The following DNAH11 variants were observed in gnomAD, a reference collection of about 807,000 sequenced individuals.
DNAH11 encodes the protein dynein axonemal heavy chain 11.
In DNAH11, 442 loss-of-function variants were observed where a neutral mutation model predicts 526.0. That is an observed-to-expected ratio of 0.84 (90% CI 0.78 to 0.91). The LOEUF (loss-of-function observed/expected upper bound fraction) is 0.91, where lower values mean the gene tolerates loss of function less well. DNAH11 is among the 40% of genes least tolerant of loss of function. DNAH11 has a pLI of 0.00. For synonymous variants in DNAH11, 2,461 were observed against 1,935.9 expected (o/e 1.27, Z -7.12); for missense variants, 6,989 against 5,448.7 (o/e 1.28, Z -8.90).
At position 21,789,255 on chromosome 7, in the gene DNAH11, G is replaced by A. The variant is rs200349268; in HGVS notation, c.9939G>A (p.Val3313=). 215 of 1,571,454 alleles carry A rather than the reference G, an allele frequency of 1.4e-4. 3 individuals are homozygous for A. In the African/African-American group the frequency reaches 1.9e-3, roughly 14 times the overall value. ...TGAATTTTCAGGTCTACTGTGATGT[G>A]GAGCCAAAACGCCAAGCATTAGCCC... ...IIKFYEVYCD[V]EPKRQALAQA... is the part of the protein sequence containing the mutation. The change falls in exon 61 of 82, where the codon GTG becomes GTA. Residue 3313 remains valine (V), a synonymous_variant. Transcript: ENST00000409508.
In DNAH11 at chr7:21,616,200, C is replaced by G. The variant is rs1039778615; in HGVS notation, c.4012-9C>G. 1.9e-6 allele frequency: 3 copies of G among 1,611,266 alleles called. No homozygotes were observed. The highest frequency in any genetic ancestry group is 2.5e-6 in the Non-Finnish European group (3 of 1,178,060). On this transcript the variant is annotated splice_polypyrimidine_tract_variant and intron_variant, in intron 21 of 81. Coordinates refer to ENST00000409508, the MANE Select transcript of DNAH11 (RefSeq NM_001277115.2). ...TTGTTGACACTTTTATCTGCTTTTGCGTTTTCAGAGAAGCATTGATAATTG... is the reference window on the plus strand; with the variant it reads ...TTGTTGACACTTTTATCTGCTTTTGGGTTTTCAGAGAAGCATTGATAATTG...
At chr7:21,795,305 T>C (rs1302576490) in intron 61 of DNAH11, among the ~76,000 whole-genome samples, 2 of 152,244 alleles carry the variant, frequency 1.3e-5, no homozygotes, top group Non-Finnish European at 2.9e-5. Context: ...TGCTGTGTAC[T>C]AATACTGAAA....
Position 21,892,726 on chromosome 7 carries a change from T to C in DNAH11, c.12750+59T>C, listed in dbSNP as rs545656106. On this transcript the variant is annotated intron_variant, in intron 77 of 81. Transcript: ENST00000409508. ...GAAGTATAACTTACTTGTACTGAAG[T>C]CTACTAATCTTAATTGTGCAAATCA... 7 of 1,491,276 alleles carry C rather than the reference T, an allele frequency of 4.7e-6. No individual in the cohort carries two copies. The African/African-American group carries it at 8.4e-5, about 18-fold the overall frequency. The allele number at this position is 1,491,276 out of a possible 1,614,324, so 92.4% of individuals were successfully genotyped here. A position where few individuals can be genotyped will look rare whatever the true frequency, so the allele number is the denominator to read the frequency against.
chr7:21,825,069 C>T (rs1159341615), intron 65 of DNAH11, among the ~76,000 whole-genome samples: 6 of 152,116 alleles, frequency 3.9e-5, no homozygotes, highest in Non-Finnish European at 8.8e-5. Flanking sequence ...ACAGGTTTCG[C>T]CATGTTGACC....
At chr7:21,711,429 T>C (rs1326663517) in intron 41 of DNAH11, among the ~76,000 whole-genome samples, 1 of 152,248 alleles carries the variant, frequency 6.6e-6, no homozygotes, top group Non-Finnish European at 1.5e-5. Flanking sequence ...TCAGGTCCTT[T>C]CATGTGATTA....
chr7:21,703,010 T>C (rs1049938290), intron 37 of DNAH11, among the ~76,000 whole-genome samples: 4 of 152,212 alleles, frequency 2.6e-5, no homozygotes, highest in African/African-American at 9.6e-5. Context: ...GAAAAGAAAA[T>C]GTGATTTTAC....
In DNAH11 at chr7:21,635,346, CG is replaced by C. The variant is rs1262578227; in HGVS notation, c.4501-521del. ...TAATTTCTTGTATTTTTAGTAGAGA[CG>C]GGGTTTTACCGTGTTAGCCAGGTTG... On this transcript the variant is annotated intron_variant, in intron 25 of 81. Transcript: ENST00000409508. Among the ~76,000 whole-genome samples the C allele has an allele frequency of 9.9e-5, 15 of 152,256 alleles. No homozygotes were observed. In the South Asian group the frequency reaches 2.7e-3, roughly 27 times the overall value.
At chr7:21,666,169 CT>C (rs773915308) in intron 30 of DNAH11, among the ~76,000 whole-genome samples, 124 of 152,150 alleles carry the variant, frequency 8.1e-4, no homozygotes, top group Non-Finnish European at 1.0e-3. Context: ...TAATTTTAAA[CT>C]CTATTTCCCC....
chr7:21,602,632 T>G (rs1241457173), intron 18 of DNAH11, among the ~76,000 whole-genome samples: 1 of 151,870 alleles, frequency 6.6e-6, no homozygotes, highest in Non-Finnish European at 1.5e-5. Flanking sequence ...GCAAATGTGA[T>G]CAGTGGACAC....
chr7:21,604,107 TA>T (rs1453521680), intron 18 of DNAH11, among the ~76,000 whole-genome samples: 5 of 152,210 alleles, frequency 3.3e-5, no homozygotes, highest in Admixed American at 6.5e-5. Flanking sequence ...CCTTTGTTAT[TA>T]TGAGAAGTCA....
intron 65 of DNAH11, among the ~76,000 whole-genome samples, chr7:21,820,032 T>C (rs778855474): frequency 1.3e-5 from 2 of 152,200 alleles, no homozygotes; most frequent in Non-Finnish European, 2.9e-5. Context: ...AACCCTTATG[T>C]GTGGGAACAA....
At chr7:21,570,352 A>T in intron 7 of DNAH11, 53 bp downstream of exon 7, 1 of 1,430,264 alleles carries the variant, frequency 7.0e-7, no homozygotes, top group South Asian at 1.3e-5. Context: ...GCAAAAAGCC[A>T]GTAGCTTTTC....
chr7:21,897,902 C>A (rs1784582394), intron 79 of DNAH11, among the ~76,000 whole-genome samples: 1 of 152,216 alleles, frequency 6.6e-6, no homozygotes, highest in African/African-American at 2.4e-5. Flanking sequence ...CAGATGTGAG[C>A]CACCACGTCT....
intron 54 of DNAH11, among the ~76,000 whole-genome samples, chr7:21,763,036 G>A: frequency 6.6e-6 from 1 of 152,120 alleles, no homozygotes; most frequent in East Asian, 1.9e-4. Flanking sequence ...GACTTACGTA[G>A]ACATTTCTGT....
intron 65 of DNAH11, among the ~76,000 whole-genome samples, chr7:21,830,928 C>T (rs146971947): frequency 6.6e-6 from 1 of 152,288 alleles, no homozygotes; most frequent in East Asian, 1.9e-4. Context: ...CTTCTCATCT[C>T]CAAACCAGCA....
At chr7:21,726,034 T>A in intron 45 of DNAH11, 50 bp downstream of exon 45, 1 of 1,450,362 alleles carries the variant, frequency 6.9e-7, no homozygotes, top group Admixed American at 2.9e-5. Flanking sequence ...CATATTGCTA[T>A]AAAAAATACC....
At chr7:21,610,760 G>A (rs1046189095) in intron 20 of DNAH11, among the ~76,000 whole-genome samples, 1 of 152,096 alleles carries the variant, frequency 6.6e-6, no homozygotes, top group African/African-American at 2.4e-5. Context: ...ATTAAAATTG[G>A]AAAGAGAATT....
In DNAH11 at chr7:21,873,501, G is replaced by C; in HGVS notation, c.12195G>C (p.Gln4065His). The C allele has an allele frequency of 6.2e-7, 1 of 1,613,816 alleles. No individual in the cohort carries two copies. The highest frequency in any genetic ancestry group is 8.5e-7 in the Non-Finnish European group (1 of 1,179,806). Residue 4065 changes from glutamine to histidine, a missense_variant and splice_region_variant, in exon 74 of 82, where the codon CAG becomes CAC. By Grantham distance (24) the Gln-to-His change is conservative. Transcript: ENST00000409508. ...ATGCCGCCCTGTACAACTTTGATCA[G>C]GTAAGAAAGCGAAGCAGGCTAGGCA... ...NLHAALYNFD[Q>H]DTLEICSKEQ... is the part of the protein sequence containing the mutation.
chr7:21,672,143 C>T (rs763883000), intron 30 of DNAH11, among the ~76,000 whole-genome samples: 2 of 152,076 alleles, frequency 1.3e-5, no homozygotes, highest in African/African-American at 4.8e-5. Flanking sequence ...ATGAGAGGTC[C>T]TCGTTGCTGT....
Sources: gnomAD v4.1 joint callset for allele counts (sites outside exome capture counted in the v4.1 genomes callset) on GRCh38, gnomAD v4.1.1 for gene constraint, MANE v1.5 for transcripts, NCBI Gene and HGNC (gene_info 2026-07-23, HGNC 2026-07-21) for gene names.